Variants in DMD observed in about 807,000 individuals in gnomAD.
The protein encoded by DMD is dystrophin, also known as mutant dystrophin.
In DMD, 63 loss-of-function variants were observed where a neutral mutation model predicts 330.1. That is an observed-to-expected ratio of 0.19 (90% confidence interval 0.16 to 0.24). The LOEUF is 0.24. DMD is among the 10% of genes least tolerant of loss of function. The pLI is 1.00. For synonymous variants in DMD, 1,223 were observed against 959.8 expected (o/e 1.27, Z -5.07); for missense variants, 3,344 against 2,684.1 (o/e 1.25, Z -5.43).
At chrX:31,664,776 G>A (rs1411340698) in intron 53 of DMD, among the ~76,000 whole-genome samples, 3 of 101,024 alleles carry the variant, frequency 3.0e-5, no homozygotes, top group Non-Finnish European at 5.9e-5. Flanking sequence ...CTTTTTTATT[G>A]GCTCCCTCCC....
intron 7 of DMD, among the ~76,000 whole-genome samples, chrX:32,765,595 A>C (rs1213528335): frequency 8.9e-6 from 1 of 111,939 alleles, no homozygotes; most frequent in African/African-American, 3.2e-5. Flanking sequence ...TTCTTGGCAC[A>C]GTCTGGATAT....
chrX:31,941,010 T>C (rs2094991613), intron 45 of DMD, among the ~76,000 whole-genome samples: 1 of 111,806 alleles, frequency 8.9e-6, no homozygotes, highest in Admixed American at 9.5e-5. Flanking sequence ...GCAATATGTT[T>C]GGGAAATCTC....
intron 11 of DMD, among the ~76,000 whole-genome samples, chrX:32,616,573 G>A (rs569389354): frequency 3.6e-5 from 4 of 109,719 alleles, no homozygotes; most frequent in African/African-American, 9.9e-5. Context: ...TGTTTAGAGC[G>A]AGACCGTGGA....
intron 7 of DMD, among the ~76,000 whole-genome samples, chrX:32,767,688 T>C (rs1039716438): frequency 1.8e-5 from 2 of 111,923 alleles, no homozygotes; most frequent in African/African-American, 6.5e-5. Flanking sequence ...GCTAATGCTA[T>C]TTTGTCAATA....
chrX:32,737,900 T>C (rs2068732056), intron 7 of DMD, among the ~76,000 whole-genome samples: 1 of 111,782 alleles, frequency 8.9e-6, no homozygotes, highest in Non-Finnish European at 1.9e-5. Flanking sequence ...AAAATAAACT[T>C]ATAACTGACA....
rs1241182813 is a variant in DMD, at chrX:31,968,514, C to T, written c.6439G>A (p.Glu2147Lys). Residue 2147 changes from glutamate (E) to lysine (K), a missense_variant and splice_region_variant, in exon 45 of 79, where the codon GAA becomes AAA. Transcript: ENST00000357033. ...CGCTGCCCAATGCCATCCTGGAGTT[C>T]CTGTAAGATACCAAAAAGGCAAAAC... Reference protein sequence around the residue: ...EHAKYKWYLKELQDGIGQRQT... With the variant: ...EHAKYKWYLKKLQDGIGQRQT... 5.8e-6 allele frequency: 7 copies of T among 1,208,243 alleles called. No homozygotes were observed. The East Asian group carries it at 2.1e-4, about 36-fold the overall frequency.
intron 1 of DMD, among the ~76,000 whole-genome samples, chrX:33,038,450 A>G (rs760139732): frequency 2.7e-5 from 3 of 112,084 alleles, no homozygotes; most frequent in African/African-American, 9.7e-5. Context: ...TCTCCTAATT[A>G]ACAAGTTTAA....
chrX:32,146,297 G>A (rs773703505), intron 44 of DMD, among the ~76,000 whole-genome samples: 9 of 111,548 alleles, frequency 8.1e-5, no homozygotes, highest in South Asian at 7.5e-4. Flanking sequence ...TAGATAAACC[G>A]ATCCATCGAT....
At chrX:32,554,995 G>T (rs2050142747) in intron 16 of DMD, among the ~76,000 whole-genome samples, 1 of 107,925 alleles carries the variant, frequency 9.3e-6, no homozygotes, top group Non-Finnish European at 1.9e-5. Flanking sequence ...AAGAAAGAGA[G>T]AAAGAAAGAA....
At chrX:32,435,672 C>T (rs1404966893) in intron 29 of DMD, among the ~76,000 whole-genome samples, 1 of 110,784 alleles carries the variant, frequency 9.0e-6, no homozygotes, top group East Asian at 2.9e-4. Context: ...GCTGGAGTGA[C>T]AATGGGGGAG....
intron 55 of DMD, among the ~76,000 whole-genome samples, chrX:31,513,272 C>T (rs369430653): frequency 2.0e-5 from 2 of 99,440 alleles, no homozygotes; most frequent in East Asian, 3.1e-4. Flanking sequence ...ACAATCATGT[C>T]GTCTGCAAAC....
intron 7 of DMD, among the ~76,000 whole-genome samples, chrX:32,789,044 G>A (rs1603421919): frequency 9.0e-6 from 1 of 111,730 alleles, no homozygotes; most frequent in East Asian, 2.8e-4. Context: ...TCTCACCTGG[G>A]CAACCCTTGC....
intron 11 of DMD, among the ~76,000 whole-genome samples, chrX:32,626,108 T>TA (rs2058328056): frequency 8.9e-6 from 1 of 112,491 alleles, no homozygotes; most frequent in African/African-American, 3.2e-5. Context: ...TTTTTACTTT[T>TA]AAATGCACGC....
chrX:32,437,445 C>A (rs904855595), intron 29 of DMD, among the ~76,000 whole-genome samples: 1 of 108,145 alleles, frequency 9.2e-6, no homozygotes, highest in East Asian at 2.8e-4. Flanking sequence ...TGGTTTCATG[C>A]ATACTACCCT....
intron 1 of DMD, among the ~76,000 whole-genome samples, chrX:33,065,494 G>A (rs781367573): frequency 1.1e-4 from 12 of 112,405 alleles, no homozygotes; most frequent in Non-Finnish European, 1.9e-4. Flanking sequence ...CACTTTAGTA[G>A]ATAAAAAGGA....
chrX:31,480,410 A>G (rs2068169805), intron 57 of DMD, among the ~76,000 whole-genome samples: 1 of 111,686 alleles, frequency 9.0e-6, no homozygotes, highest in Non-Finnish European at 1.9e-5. Context: ...TAAGTAGAAT[A>G]TTAGGATTCA....
At chrX:31,974,242 A>G (rs895455097) in intron 44 of DMD, among the ~76,000 whole-genome samples, 12 of 110,500 alleles carry the variant, frequency 1.1e-4, no homozygotes, top group Non-Finnish European at 7.6e-5. Context: ...TATGCGAACA[A>G]CAGATACCGC....
intron 2 of DMD, among the ~76,000 whole-genome samples, chrX:32,979,732 G>A (rs1432084064): frequency 9.0e-6 from 1 of 111,627 alleles, no homozygotes. Flanking sequence ...GGAGATTACA[G>A]GATACCTGGA....
intron 44 of DMD, among the ~76,000 whole-genome samples, chrX:32,049,979 T>A (rs1179112441): frequency 1.8e-5 from 2 of 112,017 alleles, no homozygotes; most frequent in Non-Finnish European, 3.8e-5. Flanking sequence ...CTCTATAAAT[T>A]ATCTCGTTTA....
Sources: gnomAD v4.1 joint callset for allele counts (sites outside exome capture counted in the v4.1 genomes callset) on GRCh38, gnomAD v4.1.1 for gene constraint, MANE v1.5 for transcripts, NCBI Gene and HGNC (gene_info 2026-07-23, HGNC 2026-07-21) for gene names.